RGMA: variants seen among roughly 807,000 people sequenced by gnomAD.
The protein encoded by RGMA is repulsive guidance molecule A.
A neutral mutation model predicts 23.2 loss-of-function variants in RGMA; 10 were observed. The ratio of observed to expected loss-of-function variants is 0.43; its 90% CI spans 0.27 to 0.73. The LOEUF (loss-of-function observed/expected upper bound fraction) is 0.73. RGMA is among the 30% of genes least tolerant of loss of function. RGMA has a pLI of 0.20. For missense variants in RGMA, 547 were observed against 630.5 expected (o/e 0.87, Z 1.42); for synonymous variants, 308 against 279.3 (o/e 1.10, Z -1.03).
intron 2 of RGMA, among the ~76,000 whole-genome samples, chr15:93,054,023 AG>A (rs1275122963): frequency 3.9e-5 from 6 of 152,140 alleles, no homozygotes; most frequent in African/African-American, 9.7e-5. Flanking sequence ...TGAGGTCTGG[AG>A]CTCGAGACCA....
intron 3 of RGMA, among the ~76,000 whole-genome samples, chr15:93,046,778 T>G (rs73458359): frequency 0.022 from 3,364 of 152,030 alleles, 82 homozygotes; most frequent in African/African-American, 0.066. Context: ...AAAAGGGAGA[T>G]GGAGGTTCCA....
At chr15:93,074,154 T>C (rs1205677572) in intron 1 of RGMA, 3 of 512,754 alleles carry the variant, frequency 5.9e-6, no homozygotes, top group Non-Finnish European at 8.2e-6. Flanking sequence ...CAAGTGTTCT[T>C]AGTCAAACCA....
At chr15:93,073,194 T>A in intron 1 of RGMA, 163 bp from the exon 2 acceptor site, 1 of 1,197,388 alleles carries the variant, frequency 8.4e-7, no homozygotes. Context: ...CGCCCCTCCC[T>A]CGCCATCCAT....
At chr15:93,082,740 C>T (rs980956197) in intron 1 of RGMA, among the ~76,000 whole-genome samples, 1 of 152,196 alleles carries the variant, frequency 6.6e-6, no homozygotes, top group Non-Finnish European at 1.5e-5. Context: ...ATCCTAGAGA[C>T]CAAAGAAATT....
chr15:93,074,267 G>A (rs1265476958), intron 1 of RGMA: 1 of 174,596 alleles, frequency 5.7e-6, no homozygotes, highest in Non-Finnish European at 1.2e-5. Flanking sequence ...TTTCTCTTAA[G>A]CACTATCACA....
chr15:93,060,310 C>T (rs1036409491), intron 2 of RGMA, among the ~76,000 whole-genome samples: 2 of 152,188 alleles, frequency 1.3e-5, no homozygotes, highest in African/African-American at 4.8e-5. Context: ...ATTATGTGCA[C>T]TGCATGTCTT....
chr15:93,070,475 T>TC, intron 2 of RGMA, among the ~76,000 whole-genome samples: 1 of 152,318 alleles, frequency 6.6e-6, no homozygotes, highest in Middle Eastern at 3.4e-3. Flanking sequence ...CGCCTTGCTC[T>TC]CCATCAGACC....
intron 1 of RGMA, among the ~76,000 whole-genome samples, chr15:93,078,168 A>T (rs986135032): frequency 2.0e-5 from 3 of 152,192 alleles, no homozygotes; most frequent in Non-Finnish European, 4.4e-5. Context: ...TCTTCCAGCT[A>T]TGGAAGCTGA....
chr15:93,044,687 C>A lies in RGMA; in HGVS notation c.*311G>T. The stretch of plus-strand genomic sequence containing the variant: ...CTGACTCTGACGGTTCCCAGTGTGT[C>A]TCTGGTGGGGGTGGGGGGCTTCAGC... On this transcript the variant is annotated 3_prime_UTR_variant, in exon 4 of 4. Coordinates refer to ENST00000329082, the MANE Select transcript of RGMA (RefSeq NM_020211.3). The A allele has an allele frequency of 2.4e-6, 1 of 420,476 alleles. No individual in the cohort carries two copies. Among genetic ancestry groups the A allele is most frequent in the Non-Finnish European group, 4.3e-6 (1 of 232,976 alleles). 26.0% of individuals were successfully genotyped at this position (420,476 alleles called of 1,614,324 possible).
At chr15:93,082,357 A>G (rs1895572169) in intron 1 of RGMA, among the ~76,000 whole-genome samples, 1 of 152,220 alleles carries the variant, frequency 6.6e-6, no homozygotes, top group Non-Finnish European at 1.5e-5. Flanking sequence ...ACCTACTAGA[A>G]AAAACTCCCC....
In RGMA at chr15:93,044,466, C is replaced by T. The variant is rs529117987; in HGVS notation, c.*532G>A. On this transcript the variant is annotated 3_prime_UTR_variant, in exon 4 of 4. Transcript: ENST00000329082. ...AGCAGTCTGCTAAGGTGCCAAGCAG[C>T]GCCCCGGGGTTGCCCTGCCTGGGGC... 5.0e-4 allele frequency: 80 copies of T among 159,250 alleles called. No homozygotes were observed. Among genetic ancestry groups the T allele is most frequent in the African/African-American group, 1.8e-3 (75 of 41,654 alleles). 9.9% of individuals were successfully genotyped at this position (159,250 alleles called of 1,614,324 possible). A position where few individuals can be genotyped will look rare whatever the true frequency, so the allele number is the denominator to read the frequency against.
chr15:93,088,666 C>A, intron 1 of RGMA: 1 of 940,252 alleles, frequency 1.1e-6, no homozygotes, highest in Non-Finnish European at 1.4e-6. Context: ...CGGGTCTGCC[C>A]AACCACGCGC....
intron 2 of RGMA, among the ~76,000 whole-genome samples, chr15:93,068,712 C>T (rs376603921): frequency 6.6e-6 from 1 of 152,238 alleles, no homozygotes; most frequent in African/African-American, 2.4e-5. Context: ...TGCCACTGAA[C>T]ATCAACTCCG....
chr15:93,083,413 C>T (rs1254544321), intron 1 of RGMA, among the ~76,000 whole-genome samples: 5 of 152,114 alleles, frequency 3.3e-5, no homozygotes, highest in African/African-American at 9.7e-5. Flanking sequence ...CTGCAACCCC[C>T]GCTTCCAAGG....
intron 2 of RGMA, among the ~76,000 whole-genome samples, chr15:93,063,470 G>A (rs1017640982): frequency 1.3e-5 from 2 of 152,172 alleles, no homozygotes; most frequent in Admixed American, 6.5e-5. Context: ...AGCAGTATTC[G>A]GGAGTCTCTG....
chr15:93,064,481 G>A (rs2141829496), intron 2 of RGMA, among the ~76,000 whole-genome samples: 1 of 152,302 alleles, frequency 6.6e-6, no homozygotes, highest in African/African-American at 2.4e-5. Flanking sequence ...CTCCCTCAAT[G>A]CTGCCGGCAG....
chr15:93,057,403 TTC>T (rs141245334), intron 2 of RGMA, among the ~76,000 whole-genome samples: 1 of 151,874 alleles, frequency 6.6e-6, no homozygotes, highest in Non-Finnish European at 1.5e-5. Flanking sequence ...ATGCTAAGCG[TTC>T]TCTCTCTCTC....
rs1273982986 is a variant in RGMA at position 93,038,076 on chromosome 15, G to A, written c.*6922C>T. 1 of 152,214 alleles carries A rather than the reference G, an allele frequency of 6.6e-6. No homozygotes were observed. The highest frequency in any genetic ancestry group is 1.9e-4 in the East Asian group (1 of 5,192). 9.4% of individuals were successfully genotyped at this position (152,214 alleles called of 1,614,324 possible). On this transcript the variant is annotated 3_prime_UTR_variant, in exon 4 of 4. Transcript: ENST00000329082. ...AACACCATGTCTATATCTTAGGGAG[G>A]GAAGGATTAAAAAGTCGAAATGTTG...
Position 93,040,206 on chromosome 15 carries a change from C to T in RGMA, c.*4792G>A, listed in dbSNP as rs1024726041. 4 of 152,306 alleles carry T rather than the reference C, an allele frequency of 2.6e-5. No homozygotes were observed. The highest frequency in any genetic ancestry group is 4.4e-5 in the Non-Finnish European group (3 of 68,130). The allele number at this position is 152,306 out of a possible 1,614,324, so 9.4% of individuals were successfully genotyped here. On this transcript the variant is annotated 3_prime_UTR_variant, in exon 4 of 4. Transcript: ENST00000329082. Reference sequence around the variant, plus strand: ...CCTGGGTGACAGAGTGAGACCCTGTCTCTAAAAAAGAACAATAAAAAGACC... The same window carrying T: ...CCTGGGTGACAGAGTGAGACCCTGTTTCTAAAAAAGAACAATAAAAAGACC...
Sources: gnomAD v4.1 joint callset for allele counts (sites outside exome capture counted in the v4.1 genomes callset) on GRCh38, gnomAD v4.1.1 for gene constraint, MANE v1.5 for transcripts, NCBI Gene and HGNC (gene_info 2026-07-23, HGNC 2026-07-21) for gene names.